Variants in CRB1 observed in about 807,000 individuals in gnomAD.
CRB1 encodes the protein protein crumbs homolog 1.
In CRB1, 83 loss-of-function variants were observed where a neutral mutation model predicts 120.0. That is an observed-to-expected ratio of 0.69 (90% CI 0.58 to 0.83). CRB1 has a LOEUF of 0.83. Among genes scored for constraint, CRB1 ranks in the 40% least tolerant of loss-of-function variants. The pLI is 0.00. For synonymous variants in CRB1, 625 were observed against 612.5 expected (o/e 1.02, Z -0.30); for missense variants, 1,699 against 1,687.6 (o/e 1.01, Z -0.12).
intron 1 of CRB1, among the ~76,000 whole-genome samples, chr1:197,305,321 G>T (rs1336759446): frequency 6.6e-6 from 1 of 152,124 alleles, no homozygotes. Flanking sequence ...GGAGTCAAGT[G>T]TATAAACATA....
rs770510882 is a variant in CRB1, at chr1:197,367,320, C to T, written c.1171+10307C>T. ...ATGAAAGAACAAGAGGAAAATGATG[C>T]GCAAAGTGTAAGACAATATGATAAC... On this transcript the variant is annotated intron_variant, in intron 5 of 11. Transcript: ENST00000367400. 5.9e-5 allele frequency among the ~76,000 whole-genome samples: 9 copies of T among 151,994 alleles called. No homozygotes were observed. In the South Asian group the frequency reaches 6.2e-4, roughly 11 times the overall value.
chr1:197,359,267 C>A (rs1051152538), intron 5 of CRB1, among the ~76,000 whole-genome samples: 1 of 152,100 alleles, frequency 6.6e-6, no homozygotes. Flanking sequence ...AAATACTAAT[C>A]TGTTCTGCAC....
intron 5 of CRB1, among the ~76,000 whole-genome samples, chr1:197,417,976 GTTTTT>G (rs963106171): frequency 2.1e-5 from 3 of 145,248 alleles, no homozygotes; most frequent in African/African-American, 7.6e-5. Context: ...TTATTGCTTT[GTTTTT>G]TTTTTTAAGA....
At chr1:197,453,269 GTATA>G (rs970307413) in intron 11 of CRB1, among the ~76,000 whole-genome samples, 8 of 142,964 alleles carry the variant, frequency 5.6e-5, no homozygotes, top group Non-Finnish European at 9.1e-5. Flanking sequence ...GTATACTTGT[GTATA>G]TATATATATA....
chr1:197,294,957 A>G lies in CRB1; in HGVS notation c.70+26475A>G, dbSNP rs563486783. 2.6e-5 allele frequency among the ~76,000 whole-genome samples: 4 copies of G among 152,240 alleles called. No individual in the cohort carries two copies. In the South Asian group the frequency reaches 8.3e-4, roughly 32 times the overall value. ...GCATTAGGAGATATACCTAATGTAAATGACGAGTTAATGGGTGCAGCACAC... is the reference window on the plus strand; with the variant it reads ...GCATTAGGAGATATACCTAATGTAAGTGACGAGTTAATGGGTGCAGCACAC... On this transcript the variant is annotated intron_variant, in intron 1 of 11. Transcript: ENST00000367400.
intron 11 of CRB1, among the ~76,000 whole-genome samples, chr1:197,445,838 G>C: frequency 6.6e-6 from 1 of 152,128 alleles, no homozygotes; most frequent in East Asian, 1.9e-4. Flanking sequence ...TAGGTCCTGG[G>C]AATAGAACTA....
chr1:197,421,557 G>C lies in CRB1; in HGVS notation c.1729G>C (p.Ala577Pro). The C allele has an allele frequency of 6.2e-7, 1 of 1,614,206 alleles. No homozygotes were observed. Among genetic ancestry groups the C allele is most frequent in the Non-Finnish European group, 8.5e-7 (1 of 1,180,050 alleles). The change falls in exon 6 of 12, where the codon GCT (alanine) becomes CCT (proline). Residue 577 changes from alanine to proline, a missense_variant. Transcript: ENST00000367400. Reference sequence around the variant, plus strand: ...TTTCGTGGAGGTAATATTTGCAGAGGCTGTGACCCTTACCTTAATCGACGA... The same window carrying C: ...TTTCGTGGAGGTAATATTTGCAGAGCCTGTGACCCTTACCTTAATCGACGA... The part of the protein sequence containing the change: ...WHFVEVIFAE[A>P]VTLTLIDDSC...
intron 5 of CRB1, among the ~76,000 whole-genome samples, chr1:197,364,753 T>A (rs2125369808): frequency 6.6e-6 from 1 of 152,318 alleles, no homozygotes; most frequent in East Asian, 1.9e-4. Flanking sequence ...AAGCAACATA[T>A]GTTTTTGCTG....
At chr1:197,267,543 G>T (rs1178287359), upstream of CRB1, among the ~76,000 whole-genome samples, 2 of 152,094 alleles carry the variant, frequency 1.3e-5, no homozygotes, top group Non-Finnish European at 2.9e-5. Flanking sequence ...AATGGAAAAA[G>T]GCTCTGTACT....
At chr1:197,417,787 T>C (rs1232416367) in intron 5 of CRB1, among the ~76,000 whole-genome samples, 2 of 152,156 alleles carry the variant, frequency 1.3e-5, no homozygotes, top group African/African-American at 2.4e-5. Flanking sequence ...TGCCACCAAG[T>C]TCAGTCTTCT....
rs753107217 is a variant in CRB1, at chr1:197,427,560, G to A, written c.2235G>A (p.Thr745=). 1.1e-5 allele frequency: 18 copies of A among 1,613,734 alleles called. No individual in the cohort carries two copies. The highest frequency in any genetic ancestry group is 1.0e-4 in the Admixed American group (6 of 59,932). The stretch of plus-strand genomic sequence containing the variant: ...TCAGCCTCTCCATGTTTGTCCGAAC[G>A]CTTCAACCATCAGGCTTACTTCTAG... ...DTISLSMFVR[T]LQPSGLLLAL... is the part of the protein sequence containing the mutation. The change falls in exon 7 of 12, where the codon ACG becomes ACA. Residue 745 remains threonine (T), a synonymous_variant. Transcript: ENST00000367400.
intron 1 of CRB1, among the ~76,000 whole-genome samples, chr1:197,293,360 G>A (rs529974060): frequency 7.6e-4 from 115 of 152,260 alleles, no homozygotes; most frequent in Non-Finnish European, 1.1e-3. Flanking sequence ...TACAAAGGAC[G>A]TGAAGGACCT....
At chr1:197,463,431 T>C (rs1336798375) in intron 11 of CRB1, among the ~76,000 whole-genome samples, 1 of 152,192 alleles carries the variant, frequency 6.6e-6, no homozygotes, top group Non-Finnish European at 1.5e-5. Flanking sequence ...ACATAAGCAC[T>C]GTGCATAGTA....
At chr1:197,244,106 G>A in the CRB1 span, among the ~76,000 whole-genome samples, 3 of 152,236 alleles carry the variant, frequency 2.0e-5, no homozygotes, top group East Asian at 3.9e-4. Flanking sequence ...ACAGCACAAC[G>A]ATGGGTCTTG....
At chr1:197,299,053 G>A (rs1656711177) in intron 1 of CRB1, among the ~76,000 whole-genome samples, 1 of 151,938 alleles carries the variant, frequency 6.6e-6, no homozygotes. Flanking sequence ...TGTAAGTAAT[G>A]TAGAAAAAAA....
At chr1:197,348,848 G>T (rs1050835089) in intron 4 of CRB1, among the ~76,000 whole-genome samples, 2 of 152,160 alleles carry the variant, frequency 1.3e-5, no homozygotes, top group Non-Finnish European at 2.9e-5. Context: ...GAGCCAAAAG[G>T]TTTAAAAATT....
intron 1 of CRB1, among the ~76,000 whole-genome samples, chr1:197,295,755 G>A (rs1445264993): frequency 6.6e-6 from 1 of 151,994 alleles, no homozygotes. Context: ...ACAAGATTGT[G>A]AATTAGATCT....
At chr1:197,434,608 C>A in intron 8 of CRB1, 98 bp from the exon 9 acceptor site, 1 of 1,078,796 alleles carries the variant, frequency 9.3e-7, no homozygotes, top group Non-Finnish European at 1.4e-6. Context: ...AGTCAATATG[C>A]AATGTTATTA....
rs139127915 is a variant in CRB1 at position 197,429,568 on chromosome 1, G to A, written c.2796G>A (p.Pro932=). 4.0e-5 allele frequency: 64 copies of A among 1,613,890 alleles called. No homozygotes were observed. Among genetic ancestry groups the A allele is most frequent in the South Asian group, 1.4e-4 (13 of 91,086 alleles). The change falls in exon 8 of 12, where the codon CCG becomes CCA. Residue 932 remains proline, a synonymous_variant. Transcript: ENST00000367400. The part of the protein sequence containing the change: ...CEEVQWCGFS[P]CPHGAQCQPV... ...AGGTTCAGTGGTGTGGATTCAGCCC[G>A]TGTCCTCACGGAGCCCAGTGCCAGC...
Sources: gnomAD v4.1 joint callset for allele counts (sites outside exome capture counted in the v4.1 genomes callset) on GRCh38, gnomAD v4.1.1 for gene constraint, MANE v1.5 for transcripts, NCBI Gene and HGNC (gene_info 2026-07-23, HGNC 2026-07-21) for gene names.